The following SUPT5H variants were observed in gnomAD, a reference collection of about 807,000 sequenced individuals.
The protein encoded by SUPT5H is transcription elongation factor SPT5.
A neutral mutation model predicts 142.5 loss-of-function variants in SUPT5H; 24 were observed. The ratio of observed to expected loss-of-function variants is 0.17; its 90% CI spans 0.12 to 0.24. SUPT5H has a LOEUF of 0.24. SUPT5H is among the 10% of genes least tolerant of loss of function. The pLI is 1.00. For missense variants in SUPT5H, 893 were observed against 1,471.8 expected (o/e 0.61, Z 6.43); for synonymous variants, 546 against 553.0 (o/e 0.99, Z 0.18).
chr19:39,454,352 C>T (rs969742351), intron 3 of SUPT5H, among the ~76,000 whole-genome samples: 7 of 91,440 alleles, frequency 7.7e-5, no homozygotes, highest in African/African-American at 2.1e-4. Context: ...TTGTTGTTGT[C>T]GTTGTTTTTT....
chr19:39,452,300 A>T (rs2079031677), intron 2 of SUPT5H, among the ~76,000 whole-genome samples: 1 of 152,124 alleles, frequency 6.6e-6, no homozygotes, highest in African/African-American at 2.4e-5. Context: ...TAGACAGATG[A>T]GGACACGTGT....
rs1263790021 is a variant in SUPT5H, at chr19:39,474,958, G to A, written c.3024+240G>A. On this transcript the variant is annotated intron_variant, in intron 28 of 29. Transcript: ENST00000432763. This position sits in a 1 kb window ranked among gnomAD's most constrained non-coding sequence, Gnocchi z 6.5. ...GAGCCAAGACCTGACAAATGAATAG[G>A]AGTAAGCTAAGGAAAGTGACTGGGG... is the stretch of plus-strand genomic sequence containing the variant. 27 of 583,240 alleles carry A rather than the reference G, an allele frequency of 4.6e-5. No individual in the cohort carries two copies. Among genetic ancestry groups the A allele is most frequent in the Non-Finnish European group, 7.0e-5 (23 of 326,984 alleles). 36.1% of individuals were successfully genotyped at this position (583,240 alleles called of 1,614,324 possible). A position where few individuals can be genotyped will look rare whatever the true frequency, so the allele number is the denominator to read the frequency against.
Position 39,473,821 on chromosome 19 carries a change from G to A in SUPT5H, c.2493-142G>A. ...CAACCACAGTGTCAGCTGTGGAAGG[G>A]AAATAACATCAGGAGTGCCTCTGGA... On this transcript the variant is annotated intron_variant, in intron 25 of 29. Transcript: ENST00000432763. This position sits in a 1 kb window ranked among gnomAD's most constrained non-coding sequence, Gnocchi z 5.8. The A allele has an allele frequency of 8.4e-7, 1 of 1,196,916 alleles. No homozygotes were observed. Among genetic ancestry groups the A allele is most frequent in the Non-Finnish European group, 1.2e-6 (1 of 825,716 alleles). 74.1% of individuals were successfully genotyped at this position (1,196,916 alleles called of 1,614,324 possible).
chr19:39,454,175 G>A (rs1202740160), intron 3 of SUPT5H, among the ~76,000 whole-genome samples: 1 of 152,166 alleles, frequency 6.6e-6, no homozygotes, highest in Admixed American at 6.6e-5. Context: ...ACATTGTGTG[G>A]TTTGTTGCCA....
chr19:39,469,247 C>T lies in SUPT5H; in HGVS notation c.1238-15C>T, dbSNP rs200179073. ...GGTGGCAACCCCCGAGTCAGCCCTA[C>T]GACTGCCCCTGCAGGGAAGGAGCGG... On this transcript the variant is annotated splice_polypyrimidine_tract_variant and intron_variant, in intron 15 of 29. Coordinates refer to ENST00000432763, the MANE Select transcript of SUPT5H (RefSeq NM_001111020.3). The surrounding 1 kb of genome is among the most constrained non-coding windows in gnomAD (Gnocchi z 5.1). 253 of 1,614,076 alleles carry T rather than the reference C, an allele frequency of 1.6e-4. No individual in the cohort carries two copies. Among genetic ancestry groups the T allele is most frequent in the Non-Finnish European group, 1.4e-4 (162 of 1,180,024 alleles).
chr19:39,448,698 G>A (rs1245869359), intron 2 of SUPT5H, among the ~76,000 whole-genome samples: 3 of 152,100 alleles, frequency 2.0e-5, no homozygotes, highest in Non-Finnish European at 4.4e-5. Context: ...TGAAGGACAG[G>A]GTTCTGTGGC....
At chr19:39,450,637 A>G (rs981199937) in intron 2 of SUPT5H, among the ~76,000 whole-genome samples, 5 of 152,252 alleles carry the variant, frequency 3.3e-5, no homozygotes, top group Non-Finnish European at 7.3e-5. Context: ...ACAAATGGTC[A>G]GGTTCATGTT....
rs2079290953 is a variant in SUPT5H, at chr19:39,469,619, G to C, written c.1374+221G>C. ...GGTGTCTGTCTCTGGAGAGTGACTTGGTCTATCTTTTGTTTCTGAAAAGCA... is the reference window on the plus strand; with the variant it reads ...GGTGTCTGTCTCTGGAGAGTGACTTCGTCTATCTTTTGTTTCTGAAAAGCA... On this transcript the variant is annotated intron_variant, in intron 16 of 29. Transcript: ENST00000432763. This position sits in a 1 kb window ranked among gnomAD's most constrained non-coding sequence, Gnocchi z 5.1. 1 of 632,446 alleles carries C rather than the reference G, an allele frequency of 1.6e-6. No homozygotes were observed. The highest frequency in any genetic ancestry group is 2.7e-6 in the Non-Finnish European group (1 of 367,290). The allele number at this position is 632,446 out of a possible 1,614,324, so 39.2% of individuals were successfully genotyped here.
In SUPT5H at chr19:39,458,451, G is replaced by A. The variant is rs1349854105; in HGVS notation, c.319+146G>A. 7 of 1,394,790 alleles carry A rather than the reference G, an allele frequency of 5.0e-6. No individual in the cohort carries two copies. In the African/African-American group the frequency reaches 1.0e-4, roughly 20 times the overall value. The allele number at this position is 1,394,790 out of a possible 1,614,324, so 86.4% of individuals were successfully genotyped here. ...CTGACCCATGTAGGATCCAGAGTCA[G>A]GGAGTTCTGGGGCCAGGTATACCCC... On this transcript the variant is annotated intron_variant, in intron 5 of 29. Coordinates refer to ENST00000432763, the MANE Select transcript of SUPT5H (RefSeq NM_001111020.3). This position sits in a 1 kb window ranked among gnomAD's most constrained non-coding sequence, Gnocchi z 4.2.
At chr19:39,450,420 C>T (rs930073112) in intron 2 of SUPT5H, among the ~76,000 whole-genome samples, 4 of 152,176 alleles carry the variant, frequency 2.6e-5, no homozygotes, top group Admixed American at 2.6e-4. Flanking sequence ...GGATTACAGG[C>T]GCATGCCACT....
intron 10 of SUPT5H, among the ~76,000 whole-genome samples, chr19:39,463,059 T>C (rs2079186959): frequency 1.4e-5 from 2 of 147,712 alleles, no homozygotes; most frequent in Admixed American, 1.4e-4. Flanking sequence ...GGTTTCACCA[T>C]GTTGGCCAGG....
rs946023931 is a variant in SUPT5H, at chr19:39,473,921, A to G, written c.2493-42A>G. The stretch of plus-strand genomic sequence containing the variant: ...GTGCTGTTCTGGAAGCATCCATCGC[A>G]TTATCACCACAGTCGCTGTCAACAG... On this transcript the variant is annotated intron_variant, in intron 25 of 29. Transcript: ENST00000432763. The surrounding 1 kb of genome is among the most constrained non-coding windows in gnomAD (Gnocchi z 5.8). The G allele has an allele frequency of 6.8e-6, 11 of 1,613,430 alleles. No individual in the cohort carries two copies. Among genetic ancestry groups the G allele is most frequent in the Non-Finnish European group, 8.5e-6 (10 of 1,179,814 alleles).
chr19:39,460,477 C>T (rs1179182970), intron 10 of SUPT5H, among the ~76,000 whole-genome samples: 1 of 152,210 alleles, frequency 6.6e-6, no homozygotes, highest in Admixed American at 6.5e-5. Context: ...GTGGCATTCA[C>T]CTGTAATACC....
Position 39,469,407 on chromosome 19 carries a change from C to T in SUPT5H, c.1374+9C>T, listed in dbSNP as rs1265132020. ...AGCATGAGGACCTCAAGGTGGGTGCCCGGTGTTCTCGGGCAGGGGTTGGAG... is the reference window on the plus strand; with the variant it reads ...AGCATGAGGACCTCAAGGTGGGTGCTCGGTGTTCTCGGGCAGGGGTTGGAG... On this transcript the variant is annotated intron_variant, in intron 16 of 29. Coordinates refer to ENST00000432763, the MANE Select transcript of SUPT5H (RefSeq NM_001111020.3). The surrounding 1 kb of genome is among the most constrained non-coding windows in gnomAD (Gnocchi z 5.1). 4.3e-6 allele frequency: 7 copies of T among 1,614,034 alleles called. No individual in the cohort carries two copies. In the Admixed American group the frequency reaches 5.0e-5, roughly 12 times the overall value.
In SUPT5H at chr19:39,469,564, C is replaced by T. The variant is rs529202279; in HGVS notation, c.1374+166C>T. ...TGAGAGGCTCTGTCTGAGTGCAGCTCAGGGTCGGTGGGCAGCAGGCCTGCC... is the reference window on the plus strand; with the variant it reads ...TGAGAGGCTCTGTCTGAGTGCAGCTTAGGGTCGGTGGGCAGCAGGCCTGCC... On this transcript the variant is annotated intron_variant, in intron 16 of 29. Coordinates refer to ENST00000432763, the MANE Select transcript of SUPT5H (RefSeq NM_001111020.3). The surrounding 1 kb of genome is among the most constrained non-coding windows in gnomAD (Gnocchi z 5.1). The T allele has an allele frequency of 6.1e-6, 6 of 988,856 alleles. No individual in the cohort carries two copies. Among genetic ancestry groups the T allele is most frequent in the African/African-American group, 4.8e-5 (3 of 62,038 alleles). 61.3% of individuals were successfully genotyped at this position (988,856 alleles called of 1,614,324 possible).
intron 18 of SUPT5H, among the ~76,000 whole-genome samples, chr19:39,471,007 C>G (rs1482901593): frequency 6.6e-6 from 1 of 152,152 alleles, no homozygotes; most frequent in East Asian, 1.9e-4. Context: ...ACAGAATCCA[C>G]CTCAGAGGAA....
At position 39,458,803 on chromosome 19, in the gene SUPT5H, C is replaced by T. The variant is rs1277618200; in HGVS notation, c.320-15C>T. 5 of 1,606,432 alleles carry T rather than the reference C, an allele frequency of 3.1e-6. No homozygotes were observed. The highest frequency in any genetic ancestry group is 4.3e-6 in the Non-Finnish European group (5 of 1,175,108). On this transcript the variant is annotated splice_polypyrimidine_tract_variant and intron_variant, in intron 5 of 29. Transcript: ENST00000432763. The surrounding 1 kb of genome is among the most constrained non-coding windows in gnomAD (Gnocchi z 4.2). The stretch of plus-strand genomic sequence containing the variant: ...CACCTGCCCTTGCTCACGCCCTCTG[C>T]CCATTATTTTTCAGCCTCCAATATC...
intron 2 of SUPT5H, among the ~76,000 whole-genome samples, chr19:39,453,091 G>C (rs939333723): frequency 6.6e-6 from 1 of 151,960 alleles, no homozygotes; most frequent in Non-Finnish European, 1.5e-5. Flanking sequence ...TTAAAGACTC[G>C]GTGGAAAGTG....
intron 13 of SUPT5H, chr19:39,467,449 A>T (rs2079257387): frequency 2.0e-5 from 3 of 152,234 alleles, no homozygotes; most frequent in Admixed American, 2.0e-4. Flanking sequence ...ATAAATTAGT[A>T]TGCATATGTA....
Sources: gnomAD v4.1 joint callset for allele counts (sites outside exome capture counted in the v4.1 genomes callset) on GRCh38, gnomAD v4.1.1 for gene constraint, Gnocchi (gnomAD v3.1) non-coding constraint, MANE v1.5 for transcripts, NCBI Gene and HGNC (gene_info 2026-07-23, HGNC 2026-07-21) for gene names.